The following BAG4 variants were observed in gnomAD, a reference collection of about 807,000 sequenced individuals.
BAG4 encodes the protein BAG cochaperone 4.
Under a neutral mutation model 52.1 loss-of-function variants are expected in BAG4, and 28 were observed. The ratio of observed to expected loss-of-function variants is 0.54; its 90% CI spans 0.40 to 0.74. The LOEUF is 0.74. Among genes scored for constraint, BAG4 ranks in the 30% least tolerant of loss-of-function variants. BAG4 has a pLI of 0.00. For synonymous variants in BAG4, 208 were observed against 217.0 expected (o/e 0.96, Z 0.37); for missense variants, 525 against 572.0 (o/e 0.92, Z 0.84).
intron 2 of BAG4, among the ~76,000 whole-genome samples, chr8:38,193,682 C>A (rs1273112196): frequency 6.6e-6 from 1 of 151,544 alleles, no homozygotes; most frequent in Non-Finnish European, 1.5e-5. Context: ...TCTCCTGCCT[C>A]AGCCTCCTGA....
chr8:38,208,218 G>GC (rs1329039557), intron 3 of BAG4, among the ~76,000 whole-genome samples: 2 of 149,990 alleles, frequency 1.3e-5, no homozygotes, highest in Non-Finnish European at 1.5e-5. Context: ...CTCGTGATCT[G>GC]CCCCCCTCGG....
rs1803887412 is a variant in BAG4, at chr8:38,212,964, C to G, written c.*2471C>G. The G allele has an allele frequency of 6.6e-6, 1 of 152,110 alleles. No homozygotes were observed. Among genetic ancestry groups the G allele is most frequent in the African/African-American group, 2.4e-5 (1 of 41,416 alleles). 9.4% of individuals were successfully genotyped at this position (152,110 alleles called of 1,614,324 possible). ...CTTCTGTAAGGAAGAGTTGTCAGTT[C>G]TGGATTTATATTTTTAACTATAATA... On this transcript the variant is annotated 3_prime_UTR_variant, in exon 5 of 5. Transcript: ENST00000287322.
rs762548670 is a variant in BAG4, at chr8:38,209,277, C to T, written c.888+10C>T. The T allele has an allele frequency of 2.7e-5, 43 of 1,613,884 alleles. No individual in the cohort carries two copies. In the South Asian group the frequency reaches 4.4e-4, roughly 16 times the overall value. On this transcript the variant is annotated intron_variant, in intron 4 of 4. Coordinates refer to ENST00000287322, the MANE Select transcript of BAG4 (RefSeq NM_004874.4). ...AGTCCAGCAGCCCAAGGTAGGAGAC[C>T]TAAATGTTGTTCCTTTAATGTGTGT...
Position 38,210,838 on chromosome 8 carries a change from CTG to C in BAG4, c.*346_*347del, listed in dbSNP as rs1206149017. The stretch of plus-strand genomic sequence containing the variant: ...CTTATCAGAAACCTACCAGATGAAA[CTG>C]GATATAATCTGAGACAAACAGGATG... On this transcript the variant is annotated 3_prime_UTR_variant, in exon 5 of 5. Transcript: ENST00000287322. 5.6e-6 allele frequency: 1 copy of C among 179,698 alleles called. No individual in the cohort carries two copies. Among genetic ancestry groups the C allele is most frequent in the Non-Finnish European group, 1.2e-5 (1 of 85,708 alleles). 11.1% of individuals were successfully genotyped at this position (179,698 alleles called of 1,614,324 possible).
At position 38,177,122 on chromosome 8, in the gene BAG4, G is replaced by C. The variant is rs1211627199; in HGVS notation, c.253G>C (p.Ala85Pro). 3.7e-6 allele frequency: 6 copies of C among 1,612,768 alleles called. No individual in the cohort carries two copies. The highest frequency in any genetic ancestry group is 3.4e-6 in the Non-Finnish European group (4 of 1,179,928). Reference sequence around the variant, plus strand: ...AGGCGCCTGGCCAGAGCCTGGTCGAGCCGGAGGAAGCCACCAGGTAAGCTT... The same window carrying C: ...AGGCGCCTGGCCAGAGCCTGGTCGACCCGGAGGAAGCCACCAGGTAAGCTT... The part of the protein sequence containing the change: ...SGGAWPEPGR[A>P]GGSHQEQPPY... The change falls in exon 1 of 5, where the codon GCC becomes CCC. Residue 85 changes from alanine (A) to proline (P), a missense_variant. By Grantham distance (27) the Ala-to-Pro change is conservative. Around this residue, in one of 2 missense-constraint regions of BAG4, gnomAD observed 287 missense variants for 266.1 expected, o/e 1.08. Coordinates refer to ENST00000287322, the MANE Select transcript of BAG4 (RefSeq NM_004874.4).
At chr8:38,195,016 A>G (rs1295187927) in intron 2 of BAG4, among the ~76,000 whole-genome samples, 3 of 151,072 alleles carry the variant, frequency 2.0e-5, no homozygotes, top group Non-Finnish European at 4.4e-5. Context: ...CACCACGCCC[A>G]GCTAATTTTT....
intron 2 of BAG4, among the ~76,000 whole-genome samples, chr8:38,193,279 T>C (rs1027163550): frequency 4.0e-5 from 6 of 151,310 alleles, no homozygotes; most frequent in African/African-American, 1.5e-4. Flanking sequence ...ATTAGCTGGG[T>C]GTGGTGGTGG....
chr8:38,206,947 A>ATTTT (rs11352165), intron 2 of BAG4, among the ~76,000 whole-genome samples: 9 of 111,050 alleles, frequency 8.1e-5, no homozygotes, highest in South Asian at 2.8e-4. Flanking sequence ...GGCCTAGATA[A>ATTTT]TTTTTTTTTT....
At chr8:38,177,724 CT>C (rs1017755129) in intron 1 of BAG4, among the ~76,000 whole-genome samples, 1 of 151,984 alleles carries the variant, frequency 6.6e-6, no homozygotes, top group South Asian at 2.1e-4. Flanking sequence ...TACAGCGGCC[CT>C]TTTTTTTGTT....
At chr8:38,180,391 C>T (rs556610579) in intron 1 of BAG4, among the ~76,000 whole-genome samples, 2 of 151,840 alleles carry the variant, frequency 1.3e-5, no homozygotes, top group South Asian at 2.1e-4. Flanking sequence ...GGCATGGTGG[C>T]GCATGCCTGT....
chr8:38,199,339 G>A (rs1300516537), intron 2 of BAG4, among the ~76,000 whole-genome samples: 1 of 152,168 alleles, frequency 6.6e-6, no homozygotes, highest in African/African-American at 2.4e-5. Context: ...TATATGATTT[G>A]CAAATAGTTT....
intron 1 of BAG4, among the ~76,000 whole-genome samples, chr8:38,181,702 A>C (rs1480039861): frequency 6.6e-6 from 1 of 151,642 alleles, no homozygotes; most frequent in Non-Finnish European, 1.5e-5. Context: ...ACACCACTGC[A>C]CTCCAGCCTG....
At position 38,196,650 on chromosome 8, in the gene BAG4, CA is replaced by C. The variant is rs995468933; in HGVS notation, c.378+3866del. Among the ~76,000 whole-genome samples, 208 of 145,508 alleles carry C rather than the reference CA, an allele frequency of 1.4e-3. 2 individuals carry two copies. The highest frequency in any genetic ancestry group is 2.6e-3 in the Non-Finnish European group (170 of 65,958). ...TGGGCAACAGAGCGAGACTCTGTCT[CA>C]AAAAAAAAAATTATAGCCATCTTAG... On this transcript the variant is annotated intron_variant, in intron 2 of 4. Coordinates refer to ENST00000287322, the MANE Select transcript of BAG4 (RefSeq NM_004874.4).
chr8:38,187,893 C>T (rs1192900397), intron 1 of BAG4, among the ~76,000 whole-genome samples: 3 of 149,178 alleles, frequency 2.0e-5, no homozygotes, highest in Admixed American at 6.7e-5. Context: ...AAAAATTAGC[C>T]GGGCGTGGTG....
rs1803833735 is a variant in BAG4, at chr8:38,209,579, A to G, written c.888+312A>G. The G allele has an allele frequency of 7.5e-6, 3 of 401,684 alleles. No individual in the cohort carries two copies. In the South Asian group the frequency reaches 1.1e-4, roughly 15 times the overall value. The allele number at this position is 401,684 out of a possible 1,614,324, so 24.9% of individuals were successfully genotyped here. The stretch of plus-strand genomic sequence containing the variant: ...ACTTCAAATAATCTATGAACAGAAG[A>G]CAAAACCAATGTGAAATATCTGTAG... On this transcript the variant is annotated intron_variant, in intron 4 of 4. Coordinates refer to ENST00000287322, the MANE Select transcript of BAG4 (RefSeq NM_004874.4).
intron 2 of BAG4, among the ~76,000 whole-genome samples, chr8:38,205,167 G>T (rs1467108386): frequency 6.7e-6 from 1 of 149,350 alleles, no homozygotes; most frequent in Non-Finnish European, 1.5e-5. Flanking sequence ...TGTAGCTAAG[G>T]ACTATAGCTG....
At chr8:38,197,067 G>A (rs1414699031) in intron 2 of BAG4, among the ~76,000 whole-genome samples, 1 of 152,116 alleles carries the variant, frequency 6.6e-6, no homozygotes, top group Non-Finnish European at 1.5e-5. Context: ...GCGTGACAGA[G>A]CAAGACTCTG....
chr8:38,181,886 C>CAAAAAAAA (rs34268146), intron 1 of BAG4, among the ~76,000 whole-genome samples: 10 of 37,270 alleles, frequency 2.7e-4, no homozygotes, highest in East Asian at 1.7e-3. Context: ...GAGACTATCT[C>CAAAAAAAA]AAAAAAAAAA....
In BAG4 at chr8:38,188,704, T is replaced by C. The variant is rs1161330508; in HGVS notation, c.271-3984T>C. On this transcript the variant is annotated intron_variant, in intron 1 of 4. Coordinates refer to ENST00000287322, the MANE Select transcript of BAG4 (RefSeq NM_004874.4). Reference sequence around the variant, plus strand: ...ATACATATATACATGTATACATATATATGTATATATATATAAAAATATGCA... The same window carrying C: ...ATACATATATACATGTATACATATACATGTATATATATATAAAAATATGCA... Among the ~76,000 whole-genome samples the C allele has an allele frequency of 2.8e-5, 3 of 105,684 alleles. No individual in the cohort carries two copies. In the Admixed American group the frequency reaches 3.1e-4, roughly 11 times the overall value. The allele number at this position is 105,684 out of a possible 152,430, so 69.3% of individuals were successfully genotyped here. A position where few individuals can be genotyped will look rare whatever the true frequency, so the allele number is the denominator to read the frequency against.
Sources: gnomAD v4.1 joint callset for allele counts (sites outside exome capture counted in the v4.1 genomes callset) on GRCh38, gnomAD v4.1.1 for gene constraint, gnomAD v4.1.1 regional missense constraint, MANE v1.5 for transcripts, NCBI Gene and HGNC (gene_info 2026-07-23, HGNC 2026-07-21) for gene names.